RABGAP1L: variants seen among roughly 807,000 people sequenced by gnomAD.
RABGAP1L encodes RAB GTPase activating protein 1 like, also known as rab GTPase-activating protein 1-like.
RABGAP1L carries 63 observed loss-of-function variants against 137.7 expected under a neutral mutation model. That is an observed-to-expected ratio of 0.46 (90% CI 0.37 to 0.56). The LOEUF (loss-of-function observed/expected upper bound fraction) is 0.56. Among genes scored for constraint, RABGAP1L ranks in the 20% least tolerant of loss-of-function variants. The pLI, the probability that RABGAP1L is intolerant of heterozygous loss-of-function variation, is 0.00. For missense variants in RABGAP1L, 1,095 were observed against 1,244.0 expected (o/e 0.88, Z 1.80); for synonymous variants, 431 against 433.7 (o/e 0.99, Z 0.08).
chr1:174,701,760 A>C (rs895312588), intron 16 of RABGAP1L, among the ~76,000 whole-genome samples: 146 of 151,456 alleles, frequency 9.6e-4, no homozygotes, highest in African/African-American at 3.5e-3. Context: ...AAAAAAAAAA[A>C]ATTTAACCCT....
At chr1:174,596,570 C>G (rs1380084689) in intron 13 of RABGAP1L, among the ~76,000 whole-genome samples, 1 of 152,032 alleles carries the variant, frequency 6.6e-6, no homozygotes, top group Non-Finnish European at 1.5e-5. Context: ...GATTTTATAT[C>G]CTGTAATTTT....
intron 14 of RABGAP1L, among the ~76,000 whole-genome samples, chr1:174,676,489 A>C (rs1405273458): frequency 6.6e-6 from 1 of 152,226 alleles, no homozygotes; most frequent in East Asian, 1.9e-4. Flanking sequence ...AACAAAGCAA[A>C]CTGAAGTTTT....
At chr1:174,549,515 C>T (rs74126827) in intron 13 of RABGAP1L, among the ~76,000 whole-genome samples, 5,287 of 152,138 alleles carry the variant, frequency 0.035, 121 homozygotes, top group Middle Eastern at 0.088. Flanking sequence ...CAAGTCTCTA[C>T]AAAGTTGGCC....
chr1:174,799,973 CA>C, intron 18 of RABGAP1L: 1 of 1,003,196 alleles, frequency 1.0e-6, no homozygotes, highest in African/African-American at 1.7e-5. Context: ...CACACACACA[CA>C]CACACTCTCA....
intron 18 of RABGAP1L, among the ~76,000 whole-genome samples, chr1:174,808,903 C>T (rs192948621): frequency 7.2e-5 from 11 of 152,184 alleles, no homozygotes; most frequent in Admixed American, 1.3e-4. Flanking sequence ...GTGATCCACC[C>T]GCCTCGGCCT....
intron 2 of RABGAP1L, among the ~76,000 whole-genome samples, chr1:174,219,624 A>G (rs961114486): frequency 6.6e-6 from 1 of 152,194 alleles, no homozygotes; most frequent in Non-Finnish European, 1.5e-5. Context: ...TTAGAAGTTA[A>G]TTAAATGTTT....
chr1:174,276,509 G>A (rs1439785894), intron 9 of RABGAP1L, among the ~76,000 whole-genome samples: 10 of 151,974 alleles, frequency 6.6e-5, no homozygotes, highest in Admixed American at 6.6e-4. Context: ...CCACTATAGA[G>A]TTATTTCATT....
chr1:174,877,585 A>G (rs1316633250), intron 19 of RABGAP1L: 14 of 1,613,618 alleles, frequency 8.7e-6, no homozygotes, highest in Non-Finnish European at 1.2e-5. Context: ...TCTGGTGGCC[A>G]TCAGCAAGCC....
chr1:174,536,471 GATAA>G (rs1664899089), intron 13 of RABGAP1L, among the ~76,000 whole-genome samples: 1 of 152,000 alleles, frequency 6.6e-6, no homozygotes, highest in South Asian at 2.1e-4. Flanking sequence ...AACTGAGAAT[GATAA>G]ATTAAGTAAA....
intron 1 of RABGAP1L, among the ~76,000 whole-genome samples, chr1:174,214,832 CAAAATT>C (rs1470270140): frequency 1.3e-5 from 2 of 152,004 alleles, no homozygotes; most frequent in Non-Finnish European, 2.9e-5. Context: ...TGTACAAAAA[CAAAATT>C]AAAATACATT....
At chr1:174,337,462 T>C (rs1681587171) in intron 11 of RABGAP1L, among the ~76,000 whole-genome samples, 1 of 152,134 alleles carries the variant, frequency 6.6e-6, no homozygotes, top group African/African-American at 2.4e-5. Context: ...AAGCAGGCCA[T>C]GAAGAGCCTC....
chr1:174,859,482 C>CAAAAAA (rs35464065), intron 19 of RABGAP1L, among the ~76,000 whole-genome samples: 11 of 133,610 alleles, frequency 8.2e-5, no homozygotes, highest in East Asian at 3.1e-4. Flanking sequence ...GACTCCATCT[C>CAAAAAA]AAAAAAAAAG....
intron 13 of RABGAP1L, among the ~76,000 whole-genome samples, chr1:174,616,510 T>C (rs967754518): frequency 6.6e-6 from 1 of 152,188 alleles, no homozygotes; most frequent in Non-Finnish European, 1.5e-5. Context: ...TAAATAAGAA[T>C]TGGTCATGGT....
chr1:174,443,372 C>T (rs192766710), intron 13 of RABGAP1L, among the ~76,000 whole-genome samples: 156 of 152,148 alleles, frequency 1.0e-3, no homozygotes, highest in African/African-American at 3.4e-3. Flanking sequence ...TCTGCATCCT[C>T]ACCAGCGTTT....
chr1:174,983,770 G>A (rs1033219544), intron 24 of RABGAP1L, among the ~76,000 whole-genome samples: 4 of 152,134 alleles, frequency 2.6e-5, no homozygotes, highest in Admixed American at 6.5e-5. Context: ...GCTTATATTA[G>A]TACCTGACAT....
At chr1:174,642,993 C>T (rs761838759) in intron 14 of RABGAP1L, among the ~76,000 whole-genome samples, 2 of 152,078 alleles carry the variant, frequency 1.3e-5, no homozygotes, top group African/African-American at 2.4e-5. Context: ...CTATGTCAAT[C>T]AGGCTGCTCT....
chr1:174,510,296 G>T lies in RABGAP1L; in HGVS notation c.1710+116151G>T, dbSNP rs554721646. On this transcript the variant is annotated intron_variant, in intron 13 of 25. Transcript: ENST00000681986. ...AATACGTAACCTTCATGAGGGCAAT[G>T]ATTTTCTTTTAATCTGTTTTGTTTA... Among the ~76,000 whole-genome samples, 9 of 152,246 alleles carry T rather than the reference G, an allele frequency of 5.9e-5. No individual in the cohort carries two copies. In the East Asian group the frequency reaches 1.5e-3, roughly 26 times the overall value.
At chr1:174,852,308 T>C (rs1311939021) in intron 19 of RABGAP1L, among the ~76,000 whole-genome samples, 1 of 152,148 alleles carries the variant, frequency 6.6e-6, no homozygotes, top group Non-Finnish European at 1.5e-5. Flanking sequence ...ATGCTGCAAG[T>C]CAGCATCAGG....
At chr1:174,619,158 G>A (rs1008079775) in intron 13 of RABGAP1L, among the ~76,000 whole-genome samples, 12 of 152,328 alleles carry the variant, frequency 7.9e-5, no homozygotes, top group African/African-American at 1.9e-4. Context: ...CCAAATCTAC[G>A]TGTGACAGGT....
Sources: gnomAD v4.1 joint callset for allele counts (sites outside exome capture counted in the v4.1 genomes callset) on GRCh38, gnomAD v4.1.1 for gene constraint, MANE v1.5 for transcripts, NCBI Gene and HGNC (gene_info 2026-07-23, HGNC 2026-07-21) for gene names.